Variants in CRY1 observed in about 807,000 individuals in gnomAD.
CRY1 encodes cryptochrome-1.
CRY1 carries 45 observed loss-of-function variants against 76.0 expected under a neutral mutation model. The observed-to-expected ratio is 0.59, with a 90% confidence interval of 0.47 to 0.76. The LOEUF (loss-of-function observed/expected upper bound fraction) is 0.76. Among genes scored for constraint, CRY1 ranks in the 30% least tolerant of loss-of-function variants. The probability of loss-of-function intolerance (pLI) is 0.00; values close to 1 mark genes in which losing one functional copy is unlikely to be tolerated. For missense variants in CRY1, 587 were observed against 716.4 expected, an observed-to-expected ratio of 0.82 and a Z score of 2.06; for synonymous variants, 248 against 244.0, an observed-to-expected ratio of 1.02 and a Z score of -0.15.
intron 1 of CRY1, among the ~76,000 whole-genome samples, chr12:107,069,537 T>A (rs1475723803): frequency 2.1e-5 from 3 of 140,286 alleles, no homozygotes; most frequent in African/African-American, 5.4e-5. Context: ...TATATATATA[T>A]TATATATATA....
rs1593503512 is a variant in CRY1, at chr12:107,014,847, T to G, written c.267+7237A>C. 2.0e-5 allele frequency among the ~76,000 whole-genome samples: 3 copies of G among 152,172 alleles called. No homozygotes were observed. The South Asian group carries it at 6.2e-4, about 32-fold the overall frequency. ...AATGGTGTAGCATTAGGATATAACC[T>G]GGGTGTATCTATATATATATATTTT... On this transcript the variant is annotated intron_variant, in intron 2 of 12. Transcript: ENST00000008527.
chr12:107,079,663 T>C (rs1158223553), intron 1 of CRY1, among the ~76,000 whole-genome samples: 1 of 152,126 alleles, frequency 6.6e-6, no homozygotes, highest in Non-Finnish European at 1.5e-5. Flanking sequence ...TCTTTCAGTC[T>C]GGAATTTGCT....
At chr12:107,009,981 G>T (rs1215561084) in intron 2 of CRY1, among the ~76,000 whole-genome samples, 1 of 151,980 alleles carries the variant, frequency 6.6e-6, no homozygotes, top group East Asian at 1.9e-4. Context: ...TTAAATGTGT[G>T]ATATAACTCA....
At chr12:107,062,847 A>G (rs1052924148) in intron 1 of CRY1, among the ~76,000 whole-genome samples, 3 of 152,212 alleles carry the variant, frequency 2.0e-5, no homozygotes, top group African/African-American at 4.8e-5. Context: ...CAATAGCTTC[A>G]TAAGTGAATT....
At chr12:107,020,571 G>C (rs1018600756) in intron 2 of CRY1, among the ~76,000 whole-genome samples, 1 of 150,814 alleles carries the variant, frequency 6.6e-6, no homozygotes, top group Admixed American at 6.6e-5. Flanking sequence ...GCACCTCCCC[G>C]CTCCTTCTCT....
chr12:107,012,600 A>G (rs567178251), intron 2 of CRY1, among the ~76,000 whole-genome samples: 1 of 152,344 alleles, frequency 6.6e-6, no homozygotes, highest in African/African-American at 2.4e-5. Context: ...TGGATCAAGG[A>G]ATAATTCTGA....
intron 1 of CRY1, among the ~76,000 whole-genome samples, chr12:107,039,219 A>G (rs954858695): frequency 1.3e-5 from 2 of 152,232 alleles, no homozygotes; most frequent in African/African-American, 2.4e-5. Context: ...AAGGTCTGAA[A>G]CTGTAACACT....
At chr12:107,062,726 T>C (rs1953062304) in intron 1 of CRY1, among the ~76,000 whole-genome samples, 1 of 152,218 alleles carries the variant, frequency 6.6e-6, no homozygotes, top group African/African-American at 2.4e-5. Flanking sequence ...TATTTAACAG[T>C]ACTGACTCTT....
chr12:107,091,661 G>GCT (rs1953473664), intron 1 of CRY1, among the ~76,000 whole-genome samples: 1 of 152,022 alleles, frequency 6.6e-6, no homozygotes, highest in Non-Finnish European at 1.5e-5. Context: ...TGCTTATAAG[G>GCT]CTCTCTTCAA....
chr12:107,056,806 AAC>A (rs1050417236), intron 1 of CRY1, among the ~76,000 whole-genome samples: 12 of 152,180 alleles, frequency 7.9e-5, no homozygotes, highest in African/African-American at 2.9e-4. Flanking sequence ...TCAAAGGAGA[AAC>A]AGTTTCCAAC....
At chr12:107,082,363 G>C (rs1225584843) in intron 1 of CRY1, among the ~76,000 whole-genome samples, 1 of 152,124 alleles carries the variant, frequency 6.6e-6, no homozygotes, top group Non-Finnish European at 1.5e-5. Context: ...GACATCTACA[G>C]AACTCTCTAC....
intron 1 of CRY1, among the ~76,000 whole-genome samples, chr12:107,063,749 C>T (rs568046028): frequency 1.3e-5 from 2 of 152,284 alleles, no homozygotes; most frequent in African/African-American, 4.8e-5. Context: ...AGGCATGCAC[C>T]ACCACGCCCA....
At chr12:107,019,878 C>T (rs910977479) in intron 2 of CRY1, among the ~76,000 whole-genome samples, 4 of 151,964 alleles carry the variant, frequency 2.6e-5, no homozygotes, top group Non-Finnish European at 5.9e-5. Flanking sequence ...ACAATGGCAC[C>T]ACTGCACTAC....
In CRY1 at chr12:107,001,344, G is replaced by C; in HGVS notation, c.620C>G (p.Ser207Cys). 6.2e-7 allele frequency: 1 copy of C among 1,613,214 alleles called. No homozygotes were observed. Among genetic ancestry groups the C allele is most frequent in the South Asian group, 1.1e-5 (1 of 90,808 alleles). The change falls in exon 5 of 13, where the codon TCT becomes TGT. Residue 207 changes from serine to cysteine, a missense_variant. Transcript: ENST00000008527. ...AGTTTCTCCACCTGGCCACACTGCA[G>C]AGGATAAGCCATCTGTATCAAAACC... Reference protein sequence around the residue: ...ELGFDTDGLSSAVWPGGETEA... With the variant: ...ELGFDTDGLSCAVWPGGETEA...
chr12:107,011,005 T>C (rs1334401503), intron 2 of CRY1, among the ~76,000 whole-genome samples: 3 of 152,174 alleles, frequency 2.0e-5, no homozygotes, highest in African/African-American at 7.2e-5. Flanking sequence ...TCTCTCACTT[T>C]CAACCAAAAG....
At chr12:107,074,765 AG>A (rs1175344791) in intron 1 of CRY1, among the ~76,000 whole-genome samples, 1 of 152,244 alleles carries the variant, frequency 6.6e-6, no homozygotes, top group Admixed American at 6.5e-5. Context: ...CTGTAATCCC[AG>A]CACCTTGGGA....
chr12:107,076,296 A>G (rs935883270), intron 1 of CRY1, among the ~76,000 whole-genome samples: 1 of 151,974 alleles, frequency 6.6e-6, no homozygotes. Flanking sequence ...ATGGTGTCAC[A>G]TAAGAGACGA....
In CRY1 at chr12:107,070,671, TTTA is replaced by T. The variant is rs1172287891; in HGVS notation, c.158+22130_158+22132del. The stretch of plus-strand genomic sequence containing the variant: ...ACATCGCTGGATTCTCTTATTTTTA[TTTA>T]TTTATTTATTTATTTATTTATTTAT... On this transcript the variant is annotated intron_variant, in intron 1 of 12. Coordinates refer to ENST00000008527, the MANE Select transcript of CRY1 (RefSeq NM_004075.5). 9.6e-3 allele frequency among the ~76,000 whole-genome samples: 604 copies of T among 63,084 alleles called. 4 individuals carry two copies. Among genetic ancestry groups the T allele is most frequent in the South Asian group, 0.023 (32 of 1,398 alleles). 41.4% of individuals were successfully genotyped at this position (63,084 alleles called of 152,430 possible).
chr12:107,005,505 T>C (rs544427041), intron 2 of CRY1, among the ~76,000 whole-genome samples: 2 of 152,376 alleles, frequency 1.3e-5, no homozygotes, highest in Admixed American at 1.3e-4. Flanking sequence ...TTATACTAAA[T>C]GTGTTTGTAG....
Sources: gnomAD v4.1 joint callset for allele counts (sites outside exome capture counted in the v4.1 genomes callset) on GRCh38, gnomAD v4.1.1 for gene constraint, MANE v1.5 for transcripts, NCBI Gene and HGNC (gene_info 2026-07-23, HGNC 2026-07-21) for gene names.